NES: variants seen among roughly 807,000 people sequenced by gnomAD.
The protein encoded by NES is nestin.
A neutral mutation model predicts 35.6 loss-of-function variants in NES; 27 were observed. The observed-to-expected ratio is 0.76, with a 90% CI of 0.56 to 1.04. The LOEUF (loss-of-function observed/expected upper bound fraction) is 1.04, where lower values mean the gene tolerates loss of function less well. NES is among the 50% of genes least tolerant of loss of function. NES has a pLI of 0.00. For missense variants in NES, 1,867 were observed against 1,983.6 expected, an observed-to-expected ratio of 0.94 and a Z score of 1.12; for synonymous variants, 822 against 824.2, an observed-to-expected ratio of 1.00 and a Z score of 0.04.
At position 156,670,220 on chromosome 1, in the gene NES, G is replaced by C. The variant is rs1351325835; in HGVS notation, c.3968C>G (p.Pro1323Arg). The change falls in exon 4 of 4, where the codon CCT becomes CGT. Residue 1323 changes from proline to arginine, a missense_variant. Transcript: ENST00000368223. ...WDPTGEQRPP[P>R]QGETGKEGWD... ...GCCCTCCTTTCCAGTCTCCCCTTGA[G>C]GGGGTGGCCTCTGCTCTCCAGTGGG... 6.2e-7 allele frequency: 1 copy of C among 1,613,978 alleles called. No homozygotes were observed.
chr1:156,671,940 G>A lies in NES; in HGVS notation c.2248C>T (p.Gln750Ter). ...NHKSLRSLEE[Q>*]DQETLRTLEK... ...AGAGTTCTCAATGTCTCTTGGTCCT[G>A]TTCTTCTAAAGACCTCAGTGATTTG... Residue 750 changes from glutamine (Q) to a stop codon, truncating the protein, a stop_gained, in exon 4 of 4, where the codon CAG (glutamine) becomes TAG (stop). Coordinates refer to ENST00000368223, the MANE Select transcript of NES (RefSeq NM_006617.2). LOFTEE classifies it low-confidence loss of function (END_TRUNC). The A allele has an allele frequency of 6.2e-7, 1 of 1,614,096 alleles. No individual in the cohort carries two copies.
chr1:156,671,495 C>A lies in NES; in HGVS notation c.2693G>T (p.Trp898Leu), dbSNP rs1382906692. The A allele has an allele frequency of 6.2e-7, 1 of 1,613,994 alleles. No homozygotes were observed. The highest frequency in any genetic ancestry group is 8.5e-7 in the Non-Finnish European group (1 of 1,180,040). The part of the protein sequence containing the change: ...NQESLRSLGA[W>L]NLENLRSPEE... ...TGGAGATCTCAAATTCTCCAGGTTCCATGCTCCCAGAGATCTCAATGATTC... is the reference window on the plus strand; with the variant it reads ...TGGAGATCTCAAATTCTCCAGGTTCAATGCTCCCAGAGATCTCAATGATTC... Residue 898 changes from tryptophan (W) to leucine (L), a missense_variant, in exon 4 of 4, where the codon TGG becomes TTG. Trp to Leu is a moderately conservative substitution (Grantham distance 61, BLOSUM62 -2). Coordinates refer to ENST00000368223, the MANE Select transcript of NES (RefSeq NM_006617.2).
rs750959326 is a variant in NES, at chr1:156,669,749, G to A, written c.4439C>T (p.Ala1480Val). Reference sequence around the variant, plus strand: ...CTCCGTTTCCAGGGCAGTCTTGGGGGCACCAGCCACTGCACCCCTCAAGCT... The same window carrying A: ...CTCCGTTTCCAGGGCAGTCTTGGGGACACCAGCCACTGCACCCCTCAAGCT... ...DDSLRGAVAG[A>V]PKTALETESQ... Residue 1480 changes from alanine (A) to valine (V), a missense_variant, in exon 4 of 4, where the codon GCC becomes GTC. Coordinates refer to ENST00000368223, the MANE Select transcript of NES (RefSeq NM_006617.2). 6.2e-7 allele frequency: 1 copy of A among 1,613,292 alleles called. No individual in the cohort carries two copies.
chr1:156,677,105 CCCGCCAGGAGGTG>C lies in NES; in HGVS notation c.147_159del (p.Asp49GlufsTer57). ...GCCGCCAGCTCGTCGTCGGCATGCG[CCCGCCAGGAGGTG>C]TCCGCGGATTGTGCCCGGAGCCCCC... On this transcript the variant is annotated frameshift_variant, in exon 1 of 4. Transcript: ENST00000368223. LOFTEE classifies it high-confidence loss of function. The surrounding 1 kb of genome is among the most constrained non-coding windows in gnomAD (Gnocchi z 4.5). 6 of 1,604,784 alleles carry C rather than the reference CCCGCCAGGAGGTG, an allele frequency of 3.7e-6. No homozygotes were observed. The highest frequency in any genetic ancestry group is 4.2e-6 in the Non-Finnish European group (5 of 1,176,598).
Position 156,669,782 on chromosome 1 carries a change from CA to C in NES, c.4405del (p.Trp1469GlyfsTer5). The C allele has an allele frequency of 6.2e-7, 1 of 1,614,006 alleles. No individual in the cohort carries two copies. The highest frequency in any genetic ancestry group is 8.5e-7 in the Non-Finnish European group (1 of 1,180,000). ...CACTGCACCCCTCAAGCTGTCATCC[CA>C]GGGGACACTGACACTCACAGAATCA... ...ESDSVSVSVP[W>X]DDSLRGAVAG... On this transcript the variant is annotated frameshift_variant, in exon 4 of 4. Coordinates refer to ENST00000368223, the MANE Select transcript of NES (RefSeq NM_006617.2). LOFTEE classifies it low-confidence loss of function (END_TRUNC).
At position 156,675,271 on chromosome 1, in the gene NES, G is replaced by T; in HGVS notation, c.853C>A (p.Arg285=). ...QSQIAQVLEG[R]QQLAHLKMSL... ...ATCTTGAGGTGCGCCAGCTGCTGCC[G>T]ACCTTCCAGGACCTGAGCGATCTGG... Residue 285 remains arginine, a synonymous_variant, in exon 2 of 4, where the codon CGG becomes AGG. Transcript: ENST00000368223. 6.2e-7 allele frequency: 1 copy of T among 1,613,662 alleles called. No individual in the cohort carries two copies.
intron 1 of NES, among the ~76,000 whole-genome samples, chr1:156,675,691 AAAAG>A (rs1257579156): frequency 3.9e-5 from 6 of 152,160 alleles, no homozygotes; most frequent in Non-Finnish European, 8.8e-5. Context: ...AGGGGGAAAA[AAAAG>A]CGAAAGCAGA....
chr1:156,675,177 T>G, intron 2 of NES, 39 bp downstream of exon 2: 1 of 1,602,484 alleles, frequency 6.2e-7, no homozygotes, highest in Non-Finnish European at 8.5e-7. Flanking sequence ...CATGTGTGTG[T>G]GCCTCTGTGT....
Position 156,672,886 on chromosome 1 carries a change from C to T in NES, c.1302G>A (p.Val434=), listed in dbSNP as rs764858982. ...CAGGCAGGACGCTGGCAGGAATGGC[C>T]ACCCTGGCTTCAGCCCGCAGGGGCT... ...APEPLRAEAR[V]AIPASVLPGP... The change falls in exon 4 of 4, where the codon GTG becomes GTA. Residue 434 remains valine (V), a synonymous_variant. Transcript: ENST00000368223. The T allele has an allele frequency of 6.2e-7, 1 of 1,613,826 alleles. No individual in the cohort carries two copies. Among genetic ancestry groups the T allele is most frequent in the African/African-American group, 1.3e-5 (1 of 74,934 alleles).
rs1249805184 is a variant in NES, at chr1:156,672,004, CTCT to C, written c.2181_2183del (p.Glu728del). ...CTAGAGGTCTCACAATACTCTGGTCCTCTTCTTCTAGAGTCTTCAGTGGCTCCT... is the reference window on the plus strand; with the variant it reads ...CTAGAGGTCTCACAATACTCTGGTCCTCTTCTAGAGTCTTCAGTGGCTCCT... On this transcript the variant is annotated inframe_deletion, in exon 4 of 4. Coordinates refer to ENST00000368223, the MANE Select transcript of NES (RefSeq NM_006617.2). 1 of 1,614,064 alleles carries C rather than the reference CTCT, an allele frequency of 6.2e-7. No homozygotes were observed. Among genetic ancestry groups the C allele is most frequent in the South Asian group, 1.1e-5 (1 of 91,082 alleles).
Position 156,669,750 on chromosome 1 carries a change from C to A in NES, c.4438G>T (p.Ala1480Ser). 1 of 1,614,014 alleles carries A rather than the reference C, an allele frequency of 6.2e-7. No homozygotes were observed. The highest frequency in any genetic ancestry group is 8.5e-7 in the Non-Finnish European group (1 of 1,179,970). ...DDSLRGAVAGAPKTALETESQ... is the reference protein window; with the variant it reads ...DDSLRGAVAGSPKTALETESQ... ...TCCGTTTCCAGGGCAGTCTTGGGGG[C>A]ACCAGCCACTGCACCCCTCAAGCTG... The change falls in exon 4 of 4, where the codon GCC becomes TCC. Residue 1480 changes from alanine (A) to serine (S), a missense_variant. Coordinates refer to ENST00000368223, the MANE Select transcript of NES (RefSeq NM_006617.2).
chr1:156,673,347 G>A, intron 3 of NES, 107 bp downstream of exon 3: 1 of 1,326,336 alleles, frequency 7.5e-7, no homozygotes. Context: ...CACTGACACT[G>A]GAGGCCACGG....
chr1:156,675,281 G>A lies in NES; in HGVS notation c.843C>T (p.Val281=). The part of the protein sequence containing the change: ...KQGLQSQIAQ[V]LEGRQQLAHL... ...GCGCCAGCTGCTGCCGACCTTCCAG[G>A]ACCTGAGCGATCTGGCTCTGTAGGC... Residue 281 remains valine (V), a synonymous_variant, in exon 2 of 4, where the codon GTC becomes GTT. Transcript: ENST00000368223. The A allele has an allele frequency of 1.2e-6, 2 of 1,613,580 alleles. No individual in the cohort carries two copies.
In NES at chr1:156,669,597, C is replaced by G; in HGVS notation, c.4591G>C (p.Asp1531His). Residue 1531 changes from aspartate (D) to histidine (H), a missense_variant, in exon 4 of 4, where the codon GAC (aspartate) becomes CAC (histidine). Physicochemically the swap from Asp to His is moderately conservative, Grantham distance 81 (BLOSUM62 -1). Coordinates refer to ENST00000368223, the MANE Select transcript of NES (RefSeq NM_006617.2). ...SGMEDAGPGA[D>H]IIGVNGQGPN... ...CCCTGGCCATTAACACCAATGATGT[C>G]TGCCCCTGGGCCTGCATCCTCCATC... 1 of 1,614,102 alleles carries G rather than the reference C, an allele frequency of 6.2e-7. No individual in the cohort carries two copies. Among genetic ancestry groups the G allele is most frequent in the African/African-American group, 1.3e-5 (1 of 75,034 alleles).
Position 156,672,957 on chromosome 1 carries a change from G to A in NES, c.1231C>T (p.Pro411Ser), listed in dbSNP as rs369100266. The change falls in exon 4 of 4, where the codon CCT (proline) becomes TCT (serine). Residue 411 changes from proline (P) to serine (S), a missense_variant. Coordinates refer to ENST00000368223, the MANE Select transcript of NES (RefSeq NM_006617.2). ...VDAEIRAQDAPLSLLQTQGGR... is the reference protein window; with the variant it reads ...VDAEIRAQDASLSLLQTQGGR... The stretch of plus-strand genomic sequence containing the variant: ...CCCTGTGTCTGGAGCAGAGAGAGAG[G>A]AGCATCCTGGGCTCTGATCTCTGCA... 4.2e-5 allele frequency: 67 copies of A among 1,613,982 alleles called. No homozygotes were observed. Among genetic ancestry groups the A allele is most frequent in the African/African-American group, 5.3e-5 (4 of 74,938 alleles).
chr1:156,677,250 C>A lies in NES; in HGVS notation c.15G>T (p.Met5Ile). 1 of 1,612,322 alleles carries A rather than the reference C, an allele frequency of 6.2e-7. No individual in the cohort carries two copies. Among genetic ancestry groups the A allele is most frequent in the South Asian group, 1.1e-5 (1 of 90,896 alleles). MEGC[M>I]GEESFQMWEL... is the part of the protein sequence containing the mutation. Reference sequence around the variant, plus strand: ...CCCACATCTGAAACGACTCCTCCCCCATGCAGCCCTCCATCCTGCTCGTCT... The same window carrying A: ...CCCACATCTGAAACGACTCCTCCCCAATGCAGCCCTCCATCCTGCTCGTCT... The change falls in exon 1 of 4, where the codon ATG becomes ATT. Residue 5 changes from methionine to isoleucine, a missense_variant. Met to Ile is a conservative substitution (Grantham distance 10). Transcript: ENST00000368223. This position sits in a 1 kb window ranked among gnomAD's most constrained non-coding sequence, Gnocchi z 4.5.
chr1:156,676,403 CAGA>C lies in NES; in HGVS notation c.783+76_783+78del. On this transcript the variant is annotated intron_variant, in intron 1 of 3. Transcript: ENST00000368223. The surrounding 1 kb of genome is among the most constrained non-coding windows in gnomAD (Gnocchi z 5.3). Reference sequence around the variant, plus strand: ...CAGCCAGCTAGCCCCACTCCCTTCCCAGAAGGTCTCTGAGCTTCATAAGGGACT... The same window carrying C: ...CAGCCAGCTAGCCCCACTCCCTTCCCAGGTCTCTGAGCTTCATAAGGGACT... 3.4e-6 allele frequency: 5 copies of C among 1,462,398 alleles called. No individual in the cohort carries two copies. The South Asian group carries it at 6.0e-5, about 18-fold the overall frequency. 90.6% of individuals were successfully genotyped at this position (1,462,398 alleles called of 1,614,324 possible). A position where few individuals can be genotyped will look rare whatever the true frequency, so the allele number is the denominator to read the frequency against.
In NES at chr1:156,670,907, G is replaced by C. The variant is rs1679710782; in HGVS notation, c.3281C>G (p.Ala1094Gly). ...CCCCGGGCCTGGCTCAGCTCCCGCA[G>C]CAGACTCACCCATGGCAGGCTCTGA... The part of the protein sequence containing the change: ...LGSEPAMGES[A>G]AGAEPGPGQG... The change falls in exon 4 of 4, where the codon GCT (alanine) becomes GGT (glycine). Residue 1094 changes from alanine to glycine, a missense_variant. Physicochemically the swap from Ala to Gly is moderately conservative, Grantham distance 60. Coordinates refer to ENST00000368223, the MANE Select transcript of NES (RefSeq NM_006617.2). 7.2e-7 allele frequency: 1 copy of C among 1,383,468 alleles called. No individual in the cohort carries two copies. The highest frequency in any genetic ancestry group is 1.9e-5 in the Admixed American group (1 of 52,968). 85.7% of individuals were successfully genotyped at this position (1,383,468 alleles called of 1,614,324 possible).
chr1:156,669,465 G>T lies in NES; in HGVS notation c.4723C>A (p.Arg1575=), dbSNP rs771427182. ...TCCTCCTCCTGAAAGGGGCTCCCTC[G>T]GTCTCCCTCAGAGACTAGCGGCATT... The part of the protein sequence containing the change: ...QGMPLVSEGD[R]GSPFQEEEGS... Residue 1575 remains arginine (R), a synonymous_variant, in exon 4 of 4, where the codon CGA becomes AGA. Transcript: ENST00000368223. 1 of 1,612,968 alleles carries T rather than the reference G, an allele frequency of 6.2e-7. No homozygotes were observed. Among genetic ancestry groups the T allele is most frequent in the South Asian group, 1.1e-5 (1 of 90,950 alleles).
Sources: gnomAD v4.1 joint callset for allele counts (sites outside exome capture counted in the v4.1 genomes callset) on GRCh38, gnomAD v4.1.1 for gene constraint, Gnocchi (gnomAD v3.1) non-coding constraint, MANE v1.5 for transcripts, NCBI Gene and HGNC (gene_info 2026-07-23, HGNC 2026-07-21) for gene names.